Variants in FANCC observed in about 807,000 individuals in gnomAD.
FANCC encodes FA complementation group C.
In FANCC, 55 loss-of-function variants were observed where a neutral mutation model predicts 71.3. The ratio of observed to expected loss-of-function variants is 0.77; its 90% CI spans 0.62 to 0.97. The LOEUF is 0.97. Among genes scored for constraint, FANCC ranks in the 50% least tolerant of loss-of-function variants. The probability of loss-of-function intolerance (pLI) is 0.00; values close to 1 mark genes in which losing one functional copy is unlikely to be tolerated. For missense variants in FANCC, 678 were observed against 670.9 expected (o/e 1.01, Z -0.12); for synonymous variants, 275 against 244.9 (o/e 1.12, Z -1.15).
At chr9:95,226,580 T>C (rs1829634888) in intron 4 of FANCC, among the ~76,000 whole-genome samples, 1 of 152,218 alleles carries the variant, frequency 6.6e-6, no homozygotes, top group African/African-American at 2.4e-5. Context: ...CACATTCTAG[T>C]GACTTCTGTC....
chr9:95,289,198 T>C (rs1833866389), intron 1 of FANCC, among the ~76,000 whole-genome samples: 1 of 152,154 alleles, frequency 6.6e-6, no homozygotes, highest in African/African-American at 2.4e-5. Flanking sequence ...CTACATAAGG[T>C]TCAGACTTAA....
chr9:95,182,219 CA>C (rs568920486), intron 4 of FANCC, among the ~76,000 whole-genome samples: 2,015 of 131,664 alleles, frequency 0.015, 25 homozygotes, highest in African/African-American at 0.042. Flanking sequence ...ACAAAATATA[CA>C]AAAAAAAAAA....
intron 4 of FANCC, among the ~76,000 whole-genome samples, chr9:95,224,669 C>A (rs1386527559): frequency 6.6e-6 from 1 of 152,120 alleles, no homozygotes; most frequent in Non-Finnish European, 1.5e-5. Flanking sequence ...ATAAACTTGA[C>A]TACTTTAGGT....
At chr9:95,224,686 T>C (rs1054206837) in intron 4 of FANCC, among the ~76,000 whole-genome samples, 2 of 152,176 alleles carry the variant, frequency 1.3e-5, no homozygotes, top group East Asian at 3.8e-4. Context: ...AGGTGCCTTA[T>C]TTAAGTGGAA....
At position 95,126,554 on chromosome 9, in the gene FANCC, A is replaced by G. The variant is rs769649289; in HGVS notation, c.871T>C (p.Phe291Leu). 9 of 1,613,918 alleles carry G rather than the reference A, an allele frequency of 5.6e-6. No individual in the cohort carries two copies. Among genetic ancestry groups the G allele is most frequent in the Non-Finnish European group, 8.5e-7 (1 of 1,179,954 alleles). The stretch of plus-strand genomic sequence containing the variant: ...CTGAACATCTCATCAACAACCCGGA[A>G]TATGGCAGGGTGGCAGGCTGCTTGA... ...LPQAACHPAI[F>L]RVVDEMFRCA... Residue 291 changes from phenylalanine to leucine, a missense_variant, in exon 9 of 15, where the codon TTC becomes CTC. Coordinates refer to ENST00000289081, the MANE Select transcript of FANCC (RefSeq NM_000136.3).
At position 95,135,215 on chromosome 9, in the gene FANCC, A is replaced by C. The variant is rs967362054; in HGVS notation, c.843+131T>G. ...TTAGTGATTTCAAAAATAAAATGTA[A>C]ATACACGATTATATATAAAGGTTCC... On this transcript the variant is annotated intron_variant, in intron 8 of 14. Transcript: ENST00000289081. 3.3e-5 allele frequency: 30 copies of C among 904,046 alleles called. 1 individual carries two copies. In the African/African-American group the frequency reaches 4.7e-4, roughly 14 times the overall value. 56.0% of individuals were successfully genotyped at this position (904,046 alleles called of 1,614,324 possible). A position where few individuals can be genotyped will look rare whatever the true frequency, so the allele number is the denominator to read the frequency against.
intron 1 of FANCC, among the ~76,000 whole-genome samples, chr9:95,285,504 A>G (rs1833637794): frequency 6.6e-6 from 1 of 152,214 alleles, no homozygotes; most frequent in African/African-American, 2.4e-5. Flanking sequence ...TGCTGACTAA[A>G]TGAAAAATAA....
chr9:95,181,077 A>G (rs1191613268), intron 4 of FANCC, among the ~76,000 whole-genome samples: 2 of 152,000 alleles, frequency 1.3e-5, no homozygotes, highest in Non-Finnish European at 2.9e-5. Context: ...CAAGACCCTC[A>G]GTGGATGCCG....
intron 1 of FANCC, among the ~76,000 whole-genome samples, chr9:95,252,206 G>A (rs1831372420): frequency 6.7e-6 from 1 of 148,888 alleles, no homozygotes. Flanking sequence ...TTGCCCAGGA[G>A]GCAGAGGTTG....
At chr9:95,165,113 A>G (rs2135541192) in intron 6 of FANCC, among the ~76,000 whole-genome samples, 1 of 151,922 alleles carries the variant, frequency 6.6e-6, no homozygotes, top group East Asian at 1.9e-4. Flanking sequence ...TTGTGGCATC[A>G]GTTTTAATTT....
intron 1 of FANCC, among the ~76,000 whole-genome samples, chr9:95,264,802 C>A (rs1307381893): frequency 6.6e-6 from 1 of 152,152 alleles, no homozygotes; most frequent in Admixed American, 6.5e-5. Context: ...ATATTTAAAA[C>A]CCCCTAAAAT....
chr9:95,147,605 G>A (rs1829739782), intron 7 of FANCC, among the ~76,000 whole-genome samples: 1 of 152,142 alleles, frequency 6.6e-6, no homozygotes, highest in Non-Finnish European at 1.5e-5. Context: ...GAGAAAGTGG[G>A]CTAAACTGTA....
In FANCC at chr9:95,110,787, G is replaced by C. The variant is rs1425542208; in HGVS notation, c.1329+676C>G. On this transcript the variant is annotated intron_variant, in intron 13 of 14. Coordinates refer to ENST00000289081, the MANE Select transcript of FANCC (RefSeq NM_000136.3). The stretch of plus-strand genomic sequence containing the variant: ...TTAAGAACCTAGCAAATCAATGCTT[G>C]CAAGGGAGGTGCCAATGCCTTTAAT... 4 of 1,118,846 alleles carry C rather than the reference G, an allele frequency of 3.6e-6. No individual in the cohort carries two copies. The African/African-American group carries it at 4.8e-5, about 13-fold the overall frequency. 69.3% of individuals were successfully genotyped at this position (1,118,846 alleles called of 1,614,324 possible).
At chr9:95,234,870 T>A (rs921649599) in intron 4 of FANCC, among the ~76,000 whole-genome samples, 1 of 152,176 alleles carries the variant, frequency 6.6e-6, no homozygotes, top group Non-Finnish European at 1.5e-5. Context: ...AAAAGGACAA[T>A]GTCTCAGTTT....
At chr9:95,220,280 C>G (rs1829153300) in intron 4 of FANCC, among the ~76,000 whole-genome samples, 1 of 152,326 alleles carries the variant, frequency 6.6e-6, no homozygotes, top group South Asian at 2.1e-4. Flanking sequence ...GGAGTATAAA[C>G]AAGTTCAACC....
chr9:95,202,516 C>T (rs114563028), intron 4 of FANCC, among the ~76,000 whole-genome samples: 1 of 152,340 alleles, frequency 6.6e-6, no homozygotes, highest in African/African-American at 2.4e-5. Flanking sequence ...AGCTTCCCAC[C>T]AGTGAGTCAA....
At chr9:95,294,748 T>C (rs1709122795) in intron 1 of FANCC, 5 of 1,598,674 alleles carry the variant, frequency 3.1e-6, no homozygotes, top group Non-Finnish European at 4.3e-6. Flanking sequence ...CATGATGGAG[T>C]CTCAGTTCAG....
chr9:95,214,118 A>C (rs140445557), intron 4 of FANCC, among the ~76,000 whole-genome samples: 1 of 152,294 alleles, frequency 6.6e-6, no homozygotes, highest in African/African-American at 2.4e-5. Context: ...ACCCATTAAG[A>C]TAGCTACTAT....
intron 4 of FANCC, among the ~76,000 whole-genome samples, chr9:95,219,102 C>T (rs529694742): frequency 9.2e-5 from 14 of 152,242 alleles, no homozygotes; most frequent in South Asian, 4.2e-4. Flanking sequence ...ACTCAGAGTT[C>T]GGATGGGAAT....
Sources: gnomAD v4.1 joint callset for allele counts (sites outside exome capture counted in the v4.1 genomes callset) on GRCh38, gnomAD v4.1.1 for gene constraint, MANE v1.5 for transcripts, NCBI Gene and HGNC (gene_info 2026-07-23, HGNC 2026-07-21) for gene names.